The following ATP1B1 variants were observed in gnomAD, a reference collection of about 807,000 sequenced individuals.
ATP1B1 encodes the protein sodium/potassium-transporting ATPase subunit beta-1.
In ATP1B1, 3 loss-of-function variants were observed where a neutral mutation model predicts 39.6. The observed-to-expected ratio is 0.08, with a 90% confidence interval of 0.03 to 0.20. The LOEUF (loss-of-function observed/expected upper bound fraction) is 0.20, where lower values mean the gene tolerates loss of function less well. ATP1B1 is among the 10% of genes least tolerant of loss of function. The probability of loss-of-function intolerance (pLI) is 1.00; values close to 1 mark genes in which losing one functional copy is unlikely to be tolerated. For missense variants in ATP1B1, 216 were observed against 371.1 expected (o/e 0.58, Z 3.43); for synonymous variants, 139 against 135.0 (o/e 1.03, Z -0.20).
intron 2 of ATP1B1, among the ~76,000 whole-genome samples, chr1:169,111,852 A>G (rs1008444496): frequency 2.6e-5 from 4 of 152,192 alleles, no homozygotes; most frequent in African/African-American, 9.7e-5. Flanking sequence ...GATCCTTTCC[A>G]GACCTTTTCA....
chr1:169,115,724 C>G (rs1366011702), intron 2 of ATP1B1, among the ~76,000 whole-genome samples: 3 of 152,218 alleles, frequency 2.0e-5, no homozygotes, highest in Admixed American at 6.5e-5. Flanking sequence ...CCAGATATGA[C>G]AGGGATGCTT....
chr1:169,117,338 C>T (rs760447988), intron 2 of ATP1B1, among the ~76,000 whole-genome samples: 7 of 152,202 alleles, frequency 4.6e-5, no homozygotes, highest in Non-Finnish European at 1.0e-4. Context: ...GGGGGGAACT[C>T]TGTTTGGCTT....
intron 2 of ATP1B1, among the ~76,000 whole-genome samples, chr1:169,124,653 T>G (rs1208262507): frequency 6.6e-6 from 1 of 152,184 alleles, no homozygotes; most frequent in Non-Finnish European, 1.5e-5. Flanking sequence ...AGGTGATGCC[T>G]ACCATGAAGT....
At chr1:169,129,435 A>C (rs1658158106) in intron 4 of ATP1B1, among the ~76,000 whole-genome samples, 1 of 152,194 alleles carries the variant, frequency 6.6e-6, no homozygotes, top group Non-Finnish European at 1.5e-5. Context: ...CCTTCCTCTT[A>C]GGGCAGTGAC....
intron 2 of ATP1B1, among the ~76,000 whole-genome samples, chr1:169,118,680 T>TAC (rs1350835053): frequency 3.9e-5 from 6 of 152,246 alleles, no homozygotes; most frequent in African/African-American, 1.4e-4. Flanking sequence ...TATGTGTACA[T>TAC]ATACGTGTGA....
At chr1:169,128,128 A>G (rs1332487692) in intron 4 of ATP1B1, among the ~76,000 whole-genome samples, 2 of 152,174 alleles carry the variant, frequency 1.3e-5, no homozygotes, top group African/African-American at 4.8e-5. Flanking sequence ...AAAGCTGGTC[A>G]TTTCATCCTC....
In ATP1B1 at chr1:169,131,556, T is replaced by A; in HGVS notation, c.*1T>A. On this transcript the variant is annotated 3_prime_UTR_variant, in exon 6 of 6. Coordinates refer to ENST00000367815, the MANE Select transcript of ATP1B1 (RefSeq NM_001677.4). This position sits in a 1 kb window ranked among gnomAD's most constrained non-coding sequence, Gnocchi z 4.4. ...TGTAAAAATTGAAGTTAAGAGCTGA[T>A]CACAAGCACAAATCTTTCCCACTAG... 6.2e-7 allele frequency: 1 copy of A among 1,607,262 alleles called. No individual in the cohort carries two copies. Among genetic ancestry groups the A allele is most frequent in the East Asian group, 2.2e-5 (1 of 44,810 alleles).
chr1:169,126,429 G>T (rs1366038514), intron 3 of ATP1B1, among the ~76,000 whole-genome samples: 1 of 152,096 alleles, frequency 6.6e-6, no homozygotes, highest in South Asian at 2.1e-4. Flanking sequence ...TTTATATGAG[G>T]ATTGAATTAA....
rs113830133 is a variant in ATP1B1, at chr1:169,111,223, G to C, written c.98-147G>C. 6.4e-4 allele frequency: 682 copies of C among 1,060,460 alleles called. 3 individuals are homozygous for C. In the African/African-American group the frequency reaches 9.4e-3, roughly 15 times the overall value. 65.7% of individuals were successfully genotyped at this position (1,060,460 alleles called of 1,614,324 possible). ...TCTCGATTTTCACCCTGTGTCAGTG[G>C]GGTGAGGTGCACTCTTGACGTTGGA... On this transcript the variant is annotated intron_variant, in intron 1 of 5. Transcript: ENST00000367815.
chr1:169,107,236 A>T (rs756614628), intron 1 of ATP1B1, among the ~76,000 whole-genome samples: 2 of 152,130 alleles, frequency 1.3e-5, no homozygotes, highest in Non-Finnish European at 2.9e-5. Flanking sequence ...TACTCCTGGG[A>T]ATAGTCAGGC....
At chr1:169,120,988 C>A in intron 2 of ATP1B1, among the ~76,000 whole-genome samples, 1 of 141,338 alleles carries the variant, frequency 7.1e-6, no homozygotes, top group East Asian at 2.1e-4. Context: ...CGCTCTGTTG[C>A]CCAGGCTGGA....
At chr1:169,125,105 C>G (rs1355593052) in intron 3 of ATP1B1, 66 bp downstream of exon 3, 3 of 1,486,394 alleles carry the variant, frequency 2.0e-6, no homozygotes, top group Non-Finnish European at 2.7e-6. Flanking sequence ...TTTCCCACTT[C>G]TATTTTTTGT....
chr1:169,125,810 C>T (rs1487606506), intron 3 of ATP1B1, among the ~76,000 whole-genome samples: 1 of 151,966 alleles, frequency 6.6e-6, no homozygotes, highest in Non-Finnish European at 1.5e-5. Context: ...CCCATCTCTA[C>T]AAAAAATAAG....
rs1195678598 is a variant in ATP1B1 at position 169,132,640 on chromosome 1, A to G, written c.*1085A>G. Reference sequence around the variant, plus strand: ...CAAAATCCATGTTCTAACATATGTAATAATTGCCAGGAGTACAGTGCTCTT... The same window carrying G: ...CAAAATCCATGTTCTAACATATGTAGTAATTGCCAGGAGTACAGTGCTCTT... On this transcript the variant is annotated 3_prime_UTR_variant, in exon 6 of 6. Coordinates refer to ENST00000367815, the MANE Select transcript of ATP1B1 (RefSeq NM_001677.4). 7 of 678,678 alleles carry G rather than the reference A, an allele frequency of 1.0e-5. No individual in the cohort carries two copies. Among genetic ancestry groups the G allele is most frequent in the Non-Finnish European group, 1.7e-5 (7 of 405,622 alleles). The allele number at this position is 678,678 out of a possible 1,614,324, so 42.0% of individuals were successfully genotyped here.
chr1:169,117,239 G>A (rs1397537526), intron 2 of ATP1B1, among the ~76,000 whole-genome samples: 2 of 152,120 alleles, frequency 1.3e-5, no homozygotes, highest in African/African-American at 2.4e-5. Flanking sequence ...CTGTCTACCT[G>A]GTCCCAGAAT....
intron 2 of ATP1B1, among the ~76,000 whole-genome samples, chr1:169,114,619 A>C (rs547473365): frequency 1.3e-5 from 2 of 152,218 alleles, no homozygotes; most frequent in South Asian, 4.1e-4. Context: ...GAAATCTGAG[A>C]GGAGAGACTA....
In ATP1B1 at chr1:169,131,549, G is replaced by A. The variant is rs768940702; in HGVS notation, c.906G>A (p.Lys302=). The change falls in exon 6 of 6, where the codon AAG becomes AAA. Residue 302 remains lysine, a synonymous_variant. Transcript: ENST00000367815. This position sits in a 1 kb window ranked among gnomAD's most constrained non-coding sequence, Gnocchi z 4.4. Reference sequence around the variant, plus strand: ...GTTTTGATGTAAAAATTGAAGTTAAGAGCTGATCACAAGCACAAATCTTTC... The same window carrying A: ...GTTTTGATGTAAAAATTGAAGTTAAAAGCTGATCACAAGCACAAATCTTTC... ...QGRFDVKIEV[K]S is the part of the protein sequence containing the mutation. The A allele has an allele frequency of 8.1e-6, 13 of 1,610,846 alleles. No homozygotes were observed. The highest frequency in any genetic ancestry group is 1.3e-5 in the African/African-American group (1 of 74,892).
In ATP1B1 at chr1:169,131,194, T is replaced by A. The variant is rs545221076; in HGVS notation, c.649-98T>A. The A allele has an allele frequency of 6.9e-7, 1 of 1,439,670 alleles. No homozygotes were observed. The highest frequency in any genetic ancestry group is 2.3e-5 in the East Asian group (1 of 43,892). 89.2% of individuals were successfully genotyped at this position (1,439,670 alleles called of 1,614,324 possible). On this transcript the variant is annotated intron_variant, in intron 5 of 5. Coordinates refer to ENST00000367815, the MANE Select transcript of ATP1B1 (RefSeq NM_001677.4). The surrounding 1 kb of genome is among the most constrained non-coding windows in gnomAD (Gnocchi z 4.4). ...GAGTAGATGTTCTTTCCTCTCTCAG[T>A]AGTTTGCAAACTACTGTGTAGATTG... is the stretch of plus-strand genomic sequence containing the variant.
In ATP1B1 at chr1:169,131,894, G is replaced by T. The variant is rs1238033553; in HGVS notation, c.*339G>T. ...CCTTGTGTATTTTATTTAGTGTACAGTACTACAGGTGCATACTCTGGTCAT... is the reference window on the plus strand; with the variant it reads ...CCTTGTGTATTTTATTTAGTGTACATTACTACAGGTGCATACTCTGGTCAT... On this transcript the variant is annotated 3_prime_UTR_variant, in exon 6 of 6. Transcript: ENST00000367815. The surrounding 1 kb of genome is among the most constrained non-coding windows in gnomAD (Gnocchi z 4.4). The T allele has an allele frequency of 1.4e-5, 5 of 357,280 alleles. No individual in the cohort carries two copies. Among genetic ancestry groups the T allele is most frequent in the Non-Finnish European group, 2.6e-5 (5 of 194,976 alleles). 22.1% of individuals were successfully genotyped at this position (357,280 alleles called of 1,614,324 possible).
Sources: gnomAD v4.1 joint callset for allele counts (sites outside exome capture counted in the v4.1 genomes callset) on GRCh38, gnomAD v4.1.1 for gene constraint, Gnocchi (gnomAD v3.1) non-coding constraint, MANE v1.5 for transcripts, NCBI Gene and HGNC (gene_info 2026-07-23, HGNC 2026-07-21) for gene names.